Variants in PRKCE observed in about 807,000 individuals in gnomAD.
PRKCE encodes protein kinase C epsilon.
In PRKCE, 16 loss-of-function variants were observed where a neutral mutation model predicts 85.4. The ratio of observed to expected loss-of-function variants is 0.19; its 90% CI spans 0.13 to 0.28. The LOEUF is 0.28. PRKCE is among the 10% of genes least tolerant of loss of function. The pLI is 1.00. For missense variants in PRKCE, 573 were observed against 975.2 expected, an observed-to-expected ratio of 0.59 and a Z score of 5.49; for synonymous variants, 388 against 371.5, an observed-to-expected ratio of 1.04 and a Z score of -0.51.
intron 1 of PRKCE, among the ~76,000 whole-genome samples, chr2:45,688,453 C>T (rs562559239): frequency 1.5e-4 from 23 of 151,836 alleles, no homozygotes; most frequent in African/African-American, 5.6e-4. Flanking sequence ...TCTTTTTTTC[C>T]CCCTTAACCC....
chr2:45,814,176 C>T (rs914956198), intron 1 of PRKCE, among the ~76,000 whole-genome samples: 5 of 152,128 alleles, frequency 3.3e-5, no homozygotes, highest in African/African-American at 1.2e-4. Flanking sequence ...ATGACCGGGA[C>T]CAAAGTGTGA....
At chr2:45,982,018 G>A (rs559852887) in intron 5 of PRKCE, among the ~76,000 whole-genome samples, 124 of 152,372 alleles carry the variant, frequency 8.1e-4, no homozygotes, top group African/African-American at 2.9e-3. Flanking sequence ...ATTGAGCAGT[G>A]AGAAGAAGTC....
At chr2:45,747,346 T>A (rs980671549) in intron 1 of PRKCE, among the ~76,000 whole-genome samples, 1 of 152,204 alleles carries the variant, frequency 6.6e-6, no homozygotes, top group African/African-American at 2.4e-5. Context: ...CAGTACCTAT[T>A]AAACACTAAC....
intron 1 of PRKCE, among the ~76,000 whole-genome samples, chr2:45,831,674 A>G (rs1319992000): frequency 6.6e-6 from 1 of 152,256 alleles, no homozygotes; most frequent in African/African-American, 2.4e-5. Context: ...GTCTAAAATA[A>G]GAAATCAGGA....
chr2:45,673,501 G>T (rs1676274401), intron 1 of PRKCE, among the ~76,000 whole-genome samples: 1 of 152,122 alleles, frequency 6.6e-6, no homozygotes, highest in African/African-American at 2.4e-5. Flanking sequence ...GATGTCATTT[G>T]GGAAACACTG....
intron 10 of PRKCE, among the ~76,000 whole-genome samples, chr2:46,015,691 CAAAAAA>C (rs749060776): frequency 7.4e-5 from 6 of 80,796 alleles, no homozygotes; most frequent in African/African-American, 2.3e-4. Context: ...AACACTAAAC[CAAAAAA>C]AAAAAAAAAA....
chr2:45,930,268 A>T (rs1365692014), intron 2 of PRKCE, among the ~76,000 whole-genome samples: 1 of 152,222 alleles, frequency 6.6e-6, no homozygotes, highest in Non-Finnish European at 1.5e-5. Context: ...AAGCGCATGG[A>T]TTAGAGTATC....
intron 1 of PRKCE, among the ~76,000 whole-genome samples, chr2:45,705,510 C>T (rs1394468046): frequency 1.3e-5 from 2 of 152,176 alleles, no homozygotes; most frequent in Non-Finnish European, 2.9e-5. Flanking sequence ...CCAACCAGAC[C>T]AACCCAGCCC....
chr2:45,797,400 A>C (rs1374914606), intron 1 of PRKCE, among the ~76,000 whole-genome samples: 1 of 152,230 alleles, frequency 6.6e-6, no homozygotes, highest in Non-Finnish European at 1.5e-5. Context: ...GCCCAGAACA[A>C]TCTCAGTTTA....
intron 14 of PRKCE, among the ~76,000 whole-genome samples, chr2:46,180,135 G>T (rs913842834): frequency 6.6e-6 from 1 of 152,200 alleles, no homozygotes; most frequent in African/African-American, 2.4e-5. Flanking sequence ...AGGAGAGATG[G>T]TGAGGGCACC....
chr2:45,680,738 C>G (rs1676822596), intron 1 of PRKCE, among the ~76,000 whole-genome samples: 1 of 152,160 alleles, frequency 6.6e-6, no homozygotes, highest in African/African-American at 2.4e-5. Context: ...TTCCAATAGC[C>G]TATACCTTTC....
At chr2:46,095,430 C>T (rs916409306) in intron 11 of PRKCE, among the ~76,000 whole-genome samples, 1 of 152,216 alleles carries the variant, frequency 6.6e-6, no homozygotes, top group African/African-American at 2.4e-5. Context: ...GATCCTGTTT[C>T]ACTTCTCCAG....
At chr2:45,725,551 A>T (rs1680986599) in intron 1 of PRKCE, among the ~76,000 whole-genome samples, 1 of 152,192 alleles carries the variant, frequency 6.6e-6, no homozygotes, top group South Asian at 2.1e-4. Flanking sequence ...ACCATTCTAG[A>T]TGCCATTAAG....
intron 13 of PRKCE, among the ~76,000 whole-genome samples, chr2:46,157,237 G>A (rs933172906): frequency 1.3e-5 from 2 of 152,080 alleles, no homozygotes; most frequent in East Asian, 1.9e-4. Flanking sequence ...AACCTCAGCC[G>A]CACCCGAGTC....
intron 13 of PRKCE, among the ~76,000 whole-genome samples, chr2:46,156,125 C>CA (rs1677182867): frequency 6.6e-6 from 1 of 151,498 alleles, no homozygotes; most frequent in African/African-American, 2.4e-5. Context: ...AAACTCATCA[C>CA]ATTGTGATTA....
intron 1 of PRKCE, among the ~76,000 whole-genome samples, chr2:45,687,210 AC>A (rs1295345109): frequency 1.3e-5 from 2 of 152,174 alleles, no homozygotes; most frequent in Non-Finnish European, 2.9e-5. Flanking sequence ...TGAAAATCAC[AC>A]ATAAAAACCA....
intron 14 of PRKCE, among the ~76,000 whole-genome samples, chr2:46,177,348 A>C (rs1223238226): frequency 6.6e-6 from 1 of 152,268 alleles, no homozygotes. Flanking sequence ...CAAAGTACCA[A>C]AACCTGGGTG....
At chr2:45,798,050 A>G (rs909514698) in intron 1 of PRKCE, among the ~76,000 whole-genome samples, 7 of 152,198 alleles carry the variant, frequency 4.6e-5, no homozygotes, top group African/African-American at 1.7e-4. Flanking sequence ...TGATTAACCC[A>G]GGAGCCAGCT....
At chr2:45,911,931 G>A (rs140708447) in intron 2 of PRKCE, among the ~76,000 whole-genome samples, 239 of 152,164 alleles carry the variant, frequency 1.6e-3, no homozygotes, top group African/African-American at 3.3e-3. Flanking sequence ...TATGTCAGCC[G>A]CTGCTGCTTG....
Sources: gnomAD v4.1 joint callset for allele counts (sites outside exome capture counted in the v4.1 genomes callset) on GRCh38, gnomAD v4.1.1 for gene constraint, MANE v1.5 for transcripts, NCBI Gene and HGNC (gene_info 2026-07-23, HGNC 2026-07-21) for gene names.